MCRIP1: variants seen among roughly 807,000 people sequenced by gnomAD.
The protein encoded by MCRIP1 is mapk-regulated corepressor-interacting protein 1.
Under a neutral mutation model 14.4 loss-of-function variants are expected in MCRIP1, and 10 were observed. The observed-to-expected ratio is 0.70, with a 90% CI of 0.43 to 1.18. The LOEUF (loss-of-function observed/expected upper bound fraction) is 1.18, where lower values mean the gene tolerates loss of function less well. MCRIP1 is among the 50% of genes most tolerant of loss of function. The pLI, the probability that MCRIP1 is intolerant of heterozygous loss-of-function variation, is 0.00. For synonymous variants in MCRIP1, 53 were observed against 55.7 expected, an observed-to-expected ratio of 0.95 and a Z score of 0.21; for missense variants, 119 against 135.4, an observed-to-expected ratio of 0.88 and a Z score of 0.60.
At position 81,822,929 on chromosome 17, in the gene MCRIP1, G is replaced by C. The variant is rs2038297985; in HGVS notation, c.*318C>G. ...GATCCTGCAGTGGCCAGGGGCAGGAGGGTGAGGGGAGAGGAGAGAGGTCAG... is the reference window on the plus strand; with the variant it reads ...GATCCTGCAGTGGCCAGGGGCAGGACGGTGAGGGGAGAGGAGAGAGGTCAG... On this transcript the variant is annotated 3_prime_UTR_variant, in exon 5 of 5. Transcript: ENST00000455127. 5.7e-6 allele frequency: 3 copies of C among 524,860 alleles called. No individual in the cohort carries two copies. Among genetic ancestry groups the C allele is most frequent in the Non-Finnish European group, 1.0e-5 (3 of 291,854 alleles). 32.5% of individuals were successfully genotyped at this position (524,860 alleles called of 1,614,324 possible).
At position 81,825,238 on chromosome 17, in the gene MCRIP1, C is replaced by T. The variant is rs571990069; in HGVS notation, c.-48-684G>A. The T allele has an allele frequency of 2.2e-5, 24 of 1,084,912 alleles. No individual in the cohort carries two copies. The African/African-American group carries it at 2.7e-4, about 12-fold the overall frequency. 67.2% of individuals were successfully genotyped at this position (1,084,912 alleles called of 1,614,324 possible). A position where few individuals can be genotyped will look rare whatever the true frequency, so the allele number is the denominator to read the frequency against. On this transcript the variant is annotated intron_variant, in intron 1 of 4. Transcript: ENST00000455127. ...CCTGGTGACCAAGACCCTGGGCTGCCGCCCGTTTATGGCCTCCCAGCCCAG... is the reference window on the plus strand; with the variant it reads ...CCTGGTGACCAAGACCCTGGGCTGCTGCCCGTTTATGGCCTCCCAGCCCAG...
chr17:81,829,635 C>T (rs1315017484), intron 1 of MCRIP1, among the ~76,000 whole-genome samples: 5 of 152,196 alleles, frequency 3.3e-5, no homozygotes, highest in Admixed American at 6.5e-5. Context: ...TAAAATATAG[C>T]GCAGCTCACA....
chr17:81,825,698 T>C (rs1457374164), intron 1 of MCRIP1: 2 of 1,289,394 alleles, frequency 1.6e-6, no homozygotes, highest in Non-Finnish European at 2.0e-6. Flanking sequence ...CCTGGAACTC[T>C]GTGCCCCATC....
intron 1 of MCRIP1, chr17:81,826,281 G>C: frequency 6.5e-7 from 1 of 1,534,466 alleles, no homozygotes; most frequent in South Asian, 1.2e-5. Context: ...ACACACCTTA[G>C]CTGAATACAT....
At chr17:81,830,454 T>C (rs1416292810) in intron 1 of MCRIP1, among the ~76,000 whole-genome samples, 1 of 150,426 alleles carries the variant, frequency 6.6e-6, no homozygotes, top group Non-Finnish European at 1.5e-5. Context: ...CTGGCCAGCA[T>C]GGTGAAACCC....
chr17:81,824,208 G>C (rs1397327274), intron 3 of MCRIP1, 79 bp downstream of exon 3: 3 of 1,193,424 alleles, frequency 2.5e-6, no homozygotes, highest in Non-Finnish European at 3.6e-6. Context: ...GAGGTTCCTC[G>C]GAGCGTGGGT....
At position 81,822,934 on chromosome 17, in the gene MCRIP1, A is replaced by AG. The variant is rs1426449848; in HGVS notation, c.*312dup. ...TGCAGTGGCCAGGGGCAGGAGGGTG[A>AG]GGGGAGAGGAGAGAGGTCAGGTCAG... On this transcript the variant is annotated 3_prime_UTR_variant, in exon 5 of 5. Transcript: ENST00000455127. The AG allele has an allele frequency of 1.9e-6, 1 of 525,642 alleles. No homozygotes were observed. Among genetic ancestry groups the AG allele is most frequent in the Non-Finnish European group, 3.4e-6 (1 of 292,124 alleles). 32.6% of individuals were successfully genotyped at this position (525,642 alleles called of 1,614,324 possible).
At position 81,823,949 on chromosome 17, in the gene MCRIP1, CA is replaced by C. The variant is rs927313430; in HGVS notation, c.127+337del. 1.9e-6 allele frequency: 1 copy of C among 520,710 alleles called. No homozygotes were observed. Among genetic ancestry groups the C allele is most frequent in the Admixed American group, 3.8e-5 (1 of 26,604 alleles). The allele number at this position is 520,710 out of a possible 1,614,324, so 32.3% of individuals were successfully genotyped here. On this transcript the variant is annotated intron_variant, in intron 3 of 4. Coordinates refer to ENST00000455127, the MANE Select transcript of MCRIP1 (RefSeq NM_207368.5). This position sits in a 1 kb window ranked among gnomAD's most constrained non-coding sequence, Gnocchi z 6.0. ...GGCTGGATGCGTGCCTGTCTGTCTT[CA>C]AAGGCCCCTCCCTTTCCCCAGCAAA...
chr17:81,825,812 T>C, intron 1 of MCRIP1: 1 of 1,289,536 alleles, frequency 7.8e-7, no homozygotes, highest in Non-Finnish European at 1.0e-6. Flanking sequence ...CTGGGGTCTC[T>C]CTGCCCAGTC....
chr17:81,832,086 G>T (rs1052089027), intron 1 of MCRIP1, among the ~76,000 whole-genome samples: 1 of 152,178 alleles, frequency 6.6e-6, no homozygotes. Flanking sequence ...CAATAGTGAG[G>T]TTCCAGAGTT....
At chr17:81,827,881 C>T (rs570604471) in intron 1 of MCRIP1, among the ~76,000 whole-genome samples, 37 of 148,862 alleles carry the variant, frequency 2.5e-4, no homozygotes, top group Admixed American at 8.1e-4. Flanking sequence ...CCCGGGTTGA[C>T]GCCATTCTCC....
chr17:81,824,319 G>T lies in MCRIP1; in HGVS notation c.95C>A (p.Ala32Asp), dbSNP rs1313481184. 2 of 1,536,518 alleles carry T rather than the reference G, an allele frequency of 1.3e-6. No individual in the cohort carries two copies. Among genetic ancestry groups the T allele is most frequent in the South Asian group, 1.2e-5 (1 of 84,050 alleles). Residue 32 changes from alanine to aspartate, a missense_variant, in exon 3 of 5, where the codon GCC becomes GAC. Coordinates refer to ENST00000455127, the MANE Select transcript of MCRIP1 (RefSeq NM_207368.5). ...AATGAAGCGGACGTTCTCCTCGTGGGCTGGGGTGAAGATCTCGCTGCTGCT... is the reference window on the plus strand; with the variant it reads ...AATGAAGCGGACGTTCTCCTCGTGGTCTGGGGTGAAGATCTCGCTGCTGCT... Reference protein sequence around the residue: ...PPSSSEIFTPAHEENVRFIYE... With the variant: ...PPSSSEIFTPDHEENVRFIYE...
chr17:81,829,454 G>A (rs922417557), intron 1 of MCRIP1, among the ~76,000 whole-genome samples: 8 of 152,224 alleles, frequency 5.3e-5, no homozygotes, highest in South Asian at 4.1e-4. Context: ...CGAGCATGCC[G>A]ATGTCCCGGC....
chr17:81,830,445 T>A (rs2038493927), intron 1 of MCRIP1, among the ~76,000 whole-genome samples: 1 of 151,836 alleles, frequency 6.6e-6, no homozygotes. Flanking sequence ...GAGACCAGCC[T>A]GGCCAGCATG....
chr17:81,825,395 C>CA, intron 1 of MCRIP1: 1 of 1,186,406 alleles, frequency 8.4e-7, no homozygotes, highest in Non-Finnish European at 1.1e-6. Flanking sequence ...GGCTGGTCTC[C>CA]AGCCTGCCCT....
chr17:81,826,495 C>T (rs1316301337), intron 1 of MCRIP1: 1 of 827,324 alleles, frequency 1.2e-6, no homozygotes, highest in Non-Finnish European at 1.9e-6. Context: ...TGCACTCCAG[C>T]CCAGGCAACA....
At chr17:81,831,038 G>A (rs2038507710) in intron 1 of MCRIP1, among the ~76,000 whole-genome samples, 1 of 151,924 alleles carries the variant, frequency 6.6e-6, no homozygotes, top group Non-Finnish European at 1.5e-5. Flanking sequence ...TGGGCGTGGT[G>A]GCACATGCCT....
chr17:81,823,155 C>A lies in MCRIP1; in HGVS notation c.*92G>T, dbSNP rs531863541. 2.0e-4 allele frequency: 245 copies of A among 1,255,636 alleles called. No homozygotes were observed. The African/African-American group carries it at 3.2e-3, about 16-fold the overall frequency. The allele number at this position is 1,255,636 out of a possible 1,614,324, so 77.8% of individuals were successfully genotyped here. A position where few individuals can be genotyped will look rare whatever the true frequency, so the allele number is the denominator to read the frequency against. On this transcript the variant is annotated 3_prime_UTR_variant, in exon 5 of 5. Transcript: ENST00000455127. This position sits in a 1 kb window ranked among gnomAD's most constrained non-coding sequence, Gnocchi z 6.0. ...GGATCTGCAGCCCGCTGGAGCAAGGCACCCCCATCCCAGGGGCAGGACCAC... is the reference window on the plus strand; with the variant it reads ...GGATCTGCAGCCCGCTGGAGCAAGGAACCCCCATCCCAGGGGCAGGACCAC...
chr17:81,830,370 C>G (rs929407158), intron 1 of MCRIP1, among the ~76,000 whole-genome samples: 10 of 152,230 alleles, frequency 6.6e-5, no homozygotes, highest in African/African-American at 2.4e-4. Context: ...GGCGTGGTGG[C>G]TCACGCCTGT....
Sources: gnomAD v4.1 joint callset for allele counts (sites outside exome capture counted in the v4.1 genomes callset) on GRCh38, gnomAD v4.1.1 for gene constraint, Gnocchi (gnomAD v3.1) non-coding constraint, MANE v1.5 for transcripts, NCBI Gene and HGNC (gene_info 2026-07-23, HGNC 2026-07-21) for gene names.